The following PARD3B variants were observed in gnomAD, a reference collection of about 807,000 sequenced individuals.
PARD3B encodes partitioning defective 3 homolog B.
A neutral mutation model predicts 130.2 loss-of-function variants in PARD3B; 103 were observed. The ratio of observed to expected loss-of-function variants is 0.79; its 90% confidence interval spans 0.67 to 0.93. PARD3B has a LOEUF of 0.93. PARD3B is among the 40% of genes least tolerant of loss of function. The probability of loss-of-function intolerance (pLI) is 0.00; values close to 1 mark genes in which losing one functional copy is unlikely to be tolerated. For synonymous variants in PARD3B, 583 were observed against 553.2 expected, an observed-to-expected ratio of 1.05 and a Z score of -0.76; for missense variants, 1,609 against 1,499.2, an observed-to-expected ratio of 1.07 and a Z score of -1.21.
At chr2:205,416,703 T>C (rs1421850778) in intron 19 of PARD3B, among the ~76,000 whole-genome samples, 2 of 152,046 alleles carry the variant, frequency 1.3e-5, no homozygotes, top group Non-Finnish European at 2.9e-5. Flanking sequence ...TTATGGAAGA[T>C]TGATGCATTA....
intron 20 of PARD3B, among the ~76,000 whole-genome samples, chr2:205,459,862 T>C (rs2048391826): frequency 6.6e-6 from 1 of 152,218 alleles, no homozygotes; most frequent in African/African-American, 2.4e-5. Flanking sequence ...CAGACCTTTG[T>C]CTCGTTTGTT....
intron 21 of PARD3B, among the ~76,000 whole-genome samples, chr2:205,542,808 T>C (rs1185602364): frequency 6.6e-6 from 1 of 152,234 alleles, no homozygotes; most frequent in Admixed American, 6.5e-5. Flanking sequence ...ACTCCAGATC[T>C]GAGTTCAAAT....
chr2:204,898,119 TAA>T (rs1044760962), intron 2 of PARD3B, among the ~76,000 whole-genome samples: 1 of 146,666 alleles, frequency 6.8e-6, no homozygotes, highest in African/African-American at 2.5e-5. Flanking sequence ...TTTACCATAA[TAA>T]AAAAAAAACA....
chr2:204,744,297 C>T (rs563075443), intron 2 of PARD3B, among the ~76,000 whole-genome samples: 7 of 152,230 alleles, frequency 4.6e-5, no homozygotes, highest in African/African-American at 1.7e-4. Flanking sequence ...AGAATGTGGA[C>T]CCTCAGGAAC....
chr2:204,825,941 C>G (rs1559175599), intron 2 of PARD3B, among the ~76,000 whole-genome samples: 1 of 152,126 alleles, frequency 6.6e-6, no homozygotes, highest in African/African-American at 2.4e-5. Context: ...TATACCTTAG[C>G]CTGAGATTGG....
chr2:205,040,865 C>A (rs1698349113), intron 3 of PARD3B, among the ~76,000 whole-genome samples: 1 of 151,832 alleles, frequency 6.6e-6, no homozygotes. Flanking sequence ...CCAAAGGAAT[C>A]CCTTAGGGCA....
At chr2:205,001,992 GA>G (rs1694873153) in intron 3 of PARD3B, among the ~76,000 whole-genome samples, 1 of 152,178 alleles carries the variant, frequency 6.6e-6, no homozygotes, top group Non-Finnish European at 1.5e-5. Context: ...TTAAATTTAG[GA>G]AGAAATCTTG....
rs766115698 is a variant in PARD3B, at chr2:205,128,796, C to T, written c.1434+3059C>T. Among the ~76,000 whole-genome samples the T allele has an allele frequency of 2.6e-4, 39 of 152,140 alleles. No individual in the cohort carries two copies. Among genetic ancestry groups the T allele is most frequent in the Admixed American group, 1.6e-3 (24 of 15,296 alleles). On this transcript the variant is annotated intron_variant, in intron 10 of 22. Transcript: ENST00000406610. This position sits in a 1 kb window ranked among gnomAD's most constrained non-coding sequence, Gnocchi z 4.5. ...CCTGGGACTAACCACTATTTTTGAA[C>T]AATGATTGTTTTATTTTTTTATTAT...
intron 4 of PARD3B, among the ~76,000 whole-genome samples, chr2:205,064,746 G>A (rs1170246770): frequency 1.3e-5 from 2 of 152,188 alleles, no homozygotes; most frequent in African/African-American, 4.8e-5. Context: ...CAAGGAAAAA[G>A]ATGGCTTGAT....
intron 1 of PARD3B, among the ~76,000 whole-genome samples, chr2:204,598,167 G>A (rs956089738): frequency 3.9e-5 from 6 of 152,054 alleles, no homozygotes; most frequent in East Asian, 1.9e-4. Context: ...TCATCTCTAC[G>A]TAGATTATTT....
intron 2 of PARD3B, among the ~76,000 whole-genome samples, chr2:204,911,489 C>T (rs1471381038): frequency 6.6e-6 from 1 of 152,198 alleles, no homozygotes; most frequent in East Asian, 1.9e-4. Context: ...GCTCATCAAA[C>T]ATCTTCAATA....
intron 4 of PARD3B, among the ~76,000 whole-genome samples, chr2:205,080,822 A>G (rs951626762): frequency 1.3e-5 from 2 of 152,098 alleles, no homozygotes; most frequent in African/African-American, 4.8e-5. Context: ...AGCTATTCTG[A>G]TGGGTATTTT....
chr2:205,535,365 A>G (rs115977994), intron 21 of PARD3B, among the ~76,000 whole-genome samples: 234 of 152,294 alleles, frequency 1.5e-3, no homozygotes, highest in Non-Finnish European at 2.7e-3. Flanking sequence ...CTCCATGCCA[A>G]AAGAAGATGT....
chr2:205,273,286 C>T (rs1361717557), intron 16 of PARD3B, among the ~76,000 whole-genome samples: 1 of 152,190 alleles, frequency 6.6e-6, no homozygotes, highest in Non-Finnish European at 1.5e-5. Context: ...CCTGAATTCC[C>T]ACTATTGTTG....
chr2:205,023,141 G>T (rs1056785174), intron 3 of PARD3B, among the ~76,000 whole-genome samples: 1 of 152,160 alleles, frequency 6.6e-6, no homozygotes, highest in Non-Finnish European at 1.5e-5. Context: ...GTGTCGGGGG[G>T]ATTAGAAGTT....
At chr2:205,003,123 T>C (rs1409383370) in intron 3 of PARD3B, among the ~76,000 whole-genome samples, 1 of 152,224 alleles carries the variant, frequency 6.6e-6, no homozygotes, top group Non-Finnish European at 1.5e-5. Context: ...CCTTCCATCT[T>C]CAAAGCCGGC....
At chr2:205,546,764 C>T (rs1273224987) in intron 21 of PARD3B, among the ~76,000 whole-genome samples, 1 of 152,108 alleles carries the variant, frequency 6.6e-6, no homozygotes, top group Non-Finnish European at 1.5e-5. Context: ...ATCTATATTG[C>T]CACCATTTCT....
At chr2:204,737,605 T>A (rs1303063863) in intron 2 of PARD3B, among the ~76,000 whole-genome samples, 1 of 152,194 alleles carries the variant, frequency 6.6e-6, no homozygotes, top group Non-Finnish European at 1.5e-5. Flanking sequence ...TTTATTTGTT[T>A]TTGTTGCATT....
intron 2 of PARD3B, among the ~76,000 whole-genome samples, chr2:204,820,071 C>CTTTTTTTTTTTTTTTTTTTTTT (rs557143420): frequency 1.0e-5 from 1 of 98,428 alleles, no homozygotes. Context: ...AAACAATAGA[C>CTTTTTTTTTTTTTTTTTTTTTT]TTTTTTTTTT....
Sources: allele counts gnomAD v4.1 joint callset (sites outside exome capture counted in the v4.1 genomes callset), GRCh38; gene constraint gnomAD v4.1.1; non-coding constraint Gnocchi (gnomAD v3.1); transcripts MANE v1.5; gene names NCBI Gene and HGNC (gene_info 2026-07-23, HGNC 2026-07-21).